Variants in MSRA observed in about 807,000 individuals in gnomAD.
MSRA encodes the protein mitochondrial peptide methionine sulfoxide reductase.
Under a neutral mutation model 31.3 loss-of-function variants are expected in MSRA, and 54 were observed. The observed-to-expected ratio is 1.73, with a 90% CI of 1.39 to 2.17. The LOEUF is 2.17. MSRA is among the 30% of genes most tolerant of loss of function. The pLI is 0.00. For missense variants in MSRA, 507 were observed against 300.9 expected (o/e 1.69, Z -5.07); for synonymous variants, 169 against 116.5 (o/e 1.45, Z -2.90).
At chr8:10,066,092 G>C (rs528462847) in intron 1 of MSRA, among the ~76,000 whole-genome samples, 1 of 151,706 alleles carries the variant, frequency 6.6e-6, no homozygotes, top group East Asian at 1.9e-4. Context: ...GCATGATCTC[G>C]GCTCACTGCA....
chr8:10,137,300 T>A (rs778930759), intron 1 of MSRA, among the ~76,000 whole-genome samples: 5 of 152,162 alleles, frequency 3.3e-5, no homozygotes, highest in African/African-American at 1.2e-4. Flanking sequence ...ACAGGAATGG[T>A]TTTATGGTTT....
At chr8:10,331,214 G>C (rs757805498) in intron 5 of MSRA, among the ~76,000 whole-genome samples, 1 of 152,186 alleles carries the variant, frequency 6.6e-6, no homozygotes, top group Non-Finnish European at 1.5e-5. Flanking sequence ...CTGTTACTTT[G>C]TTATGGCAGC....
In MSRA at chr8:10,120,326, T is replaced by C. The variant is rs183180386; in HGVS notation, c.142+65668T>C. On this transcript the variant is annotated intron_variant, in intron 1 of 5. Coordinates refer to ENST00000317173, the MANE Select transcript of MSRA (RefSeq NM_012331.5). ...AAATAGGAAGGATATGGGATTCTCA[T>C]TGGGTGAGCAAGAGTGCTTTTTCTG... Among the ~76,000 whole-genome samples, 128 of 152,242 alleles carry C rather than the reference T, an allele frequency of 8.4e-4. 2 individuals are homozygous for C. The highest frequency in any genetic ancestry group is 2.5e-4 in the Non-Finnish European group (17 of 68,012).
intron 5 of MSRA, among the ~76,000 whole-genome samples, chr8:10,322,627 A>G (rs987185245): frequency 1.3e-5 from 2 of 152,168 alleles, no homozygotes; most frequent in African/African-American, 2.4e-5. Flanking sequence ...TCTGCCTTGC[A>G]GGGAGGATTG....
intron 1 of MSRA, among the ~76,000 whole-genome samples, chr8:10,110,635 C>G (rs541156678): frequency 4.6e-5 from 7 of 152,328 alleles, no homozygotes; most frequent in African/African-American, 1.7e-4. Context: ...TTCTCTGATC[C>G]TTCATCTCCT....
chr8:10,342,869 AC>A (rs1803519492), intron 5 of MSRA, among the ~76,000 whole-genome samples: 1 of 152,216 alleles, frequency 6.6e-6, no homozygotes, highest in Non-Finnish European at 1.5e-5. Context: ...CAGCTCTGCC[AC>A]TGTGTGACTT....
intron 1 of MSRA, among the ~76,000 whole-genome samples, chr8:10,084,174 A>G (rs1444551470): frequency 6.6e-6 from 1 of 152,168 alleles, no homozygotes; most frequent in Non-Finnish European, 1.5e-5. Context: ...CCACGCTTCC[A>G]AGTTCTGATT....
intron 1 of MSRA, among the ~76,000 whole-genome samples, chr8:10,161,069 A>T (rs963778788): frequency 6.6e-6 from 1 of 152,222 alleles, no homozygotes; most frequent in Non-Finnish European, 1.5e-5. Flanking sequence ...TTACAGTGTC[A>T]GATTATGAAC....
In MSRA at chr8:10,245,084, T is replaced by A; in HGVS notation, c.212-20T>A. 6.2e-7 allele frequency: 1 copy of A among 1,608,570 alleles called. No homozygotes were observed. Among genetic ancestry groups the A allele is most frequent in the Non-Finnish European group, 8.5e-7 (1 of 1,178,234 alleles). ...TTTTGAATAATCAGTATCCTTTTTTTTTCTTTTTTCTTTTTTAAGGAATGG... is the reference window on the plus strand; with the variant it reads ...TTTTGAATAATCAGTATCCTTTTTTATTCTTTTTTCTTTTTTAAGGAATGG... On this transcript the variant is annotated intron_variant, in intron 2 of 5. Coordinates refer to ENST00000317173, the MANE Select transcript of MSRA (RefSeq NM_012331.5).
chr8:10,165,095 C>T (rs114233802), intron 1 of MSRA, among the ~76,000 whole-genome samples: 147 of 152,112 alleles, frequency 9.7e-4, no homozygotes, highest in African/African-American at 3.3e-3. Flanking sequence ...GAGTGAAGTC[C>T]GGGTGTTAAT....
At chr8:10,404,373 A>C (rs1807662524) in intron 5 of MSRA, among the ~76,000 whole-genome samples, 1 of 152,200 alleles carries the variant, frequency 6.6e-6, no homozygotes, top group Non-Finnish European at 1.5e-5. Flanking sequence ...GCTTGCTGCC[A>C]GGGAGGCAGG....
chr8:10,090,043 GA>G (rs1798779853), intron 1 of MSRA, among the ~76,000 whole-genome samples: 1 of 152,200 alleles, frequency 6.6e-6, no homozygotes, highest in Non-Finnish European at 1.5e-5. Context: ...CATGAAAGGG[GA>G]TGAGTCAGAT....
chr8:10,363,719 A>G (rs1011272684), intron 5 of MSRA, among the ~76,000 whole-genome samples: 4 of 90,036 alleles, frequency 4.4e-5, no homozygotes, highest in African/African-American at 1.4e-4. Context: ...AACCTGGGCA[A>G]CCAAGCAAGA....
intron 1 of MSRA, among the ~76,000 whole-genome samples, chr8:10,170,265 A>G (rs1585083953): frequency 6.6e-6 from 1 of 152,140 alleles, no homozygotes; most frequent in African/African-American, 2.4e-5. Context: ...ATGTGATGAT[A>G]TCAGGAAGTG....
chr8:10,338,849 C>A (rs28526848), intron 5 of MSRA, among the ~76,000 whole-genome samples: 2,279 of 152,232 alleles, frequency 0.015, 62 homozygotes, highest in African/African-American at 0.048. Context: ...GCCCTGATCA[C>A]TCTCTTTGGG....
intron 1 of MSRA, among the ~76,000 whole-genome samples, chr8:10,085,958 C>A (rs1016385620): frequency 6.6e-6 from 1 of 152,136 alleles, no homozygotes; most frequent in Non-Finnish European, 1.5e-5. Flanking sequence ...AGCAGATAGA[C>A]CTTGCTGCTG....
At position 10,319,968 on chromosome 8, in the gene MSRA, C is replaced by G; in HGVS notation, c.522C>G (p.Ser174Arg). Residue 174 changes from serine to arginine, a missense_variant, in exon 5 of 6, where the codon AGC (serine) becomes AGG (arginine). By Grantham distance (110) the Ser-to-Arg change is moderately radical. Coordinates refer to ENST00000317173, the MANE Select transcript of MSRA (RefSeq NM_012331.5). ...CCAAGCAAATGGAGGCAGCCCTGAG[C>G]TCCAAAGAGAACTACCAAAAGGTAG... is the stretch of plus-strand genomic sequence containing the variant. ...TSAKQMEAAL[S>R]SKENYQKVLS... 1 of 1,600,202 alleles carries G rather than the reference C, an allele frequency of 6.2e-7. No homozygotes were observed. Among genetic ancestry groups the G allele is most frequent in the African/African-American group, 1.3e-5 (1 of 74,684 alleles).
chr8:10,160,318 A>T (rs894543075), intron 1 of MSRA, among the ~76,000 whole-genome samples: 1 of 151,966 alleles, frequency 6.6e-6, no homozygotes, highest in Non-Finnish European at 1.5e-5. Flanking sequence ...ACACAGTTAA[A>T]CTCCGTCTCT....
At chr8:10,280,750 A>G (rs1248007557) in intron 3 of MSRA, among the ~76,000 whole-genome samples, 2 of 152,366 alleles carry the variant, frequency 1.3e-5, no homozygotes, top group East Asian at 1.9e-4. Context: ...TTGACTATTC[A>G]TAATAGCCAT....
Sources: allele counts gnomAD v4.1 joint callset (sites outside exome capture counted in the v4.1 genomes callset), GRCh38; gene constraint gnomAD v4.1.1; transcripts MANE v1.5; gene names NCBI Gene and HGNC (gene_info 2026-07-23, HGNC 2026-07-21).